KRCC1: variants seen among roughly 807,000 people sequenced by gnomAD.
KRCC1 encodes the protein lysine-rich coiled-coil protein 1.
A neutral mutation model predicts 7.4 loss-of-function variants in KRCC1; 3 were observed. That is an observed-to-expected ratio of 0.40 (90% confidence interval 0.18 to 1.04). The LOEUF is 1.04. Among genes scored for constraint, KRCC1 ranks in the 50% least tolerant of loss-of-function variants. KRCC1 has a pLI of 0.33. For synonymous variants in KRCC1, 102 were observed against 101.6 expected (o/e 1.00, Z -0.02); for missense variants, 277 against 300.9 (o/e 0.92, Z 0.59).
chr2:88,045,687 T>C (rs1573083156), intron 1 of KRCC1, among the ~76,000 whole-genome samples: 1 of 152,008 alleles, frequency 6.6e-6, no homozygotes, highest in African/African-American at 2.4e-5. Context: ...CATTGAATTG[T>C]ACTTTTTTTT....
intron 1 of KRCC1, among the ~76,000 whole-genome samples, chr2:88,046,178 T>A (rs1673329835): frequency 6.6e-6 from 1 of 152,244 alleles, no homozygotes; most frequent in South Asian, 2.1e-4. Flanking sequence ...AACTAGTGAC[T>A]GTAATACTGT....
intron 1 of KRCC1, among the ~76,000 whole-genome samples, chr2:88,049,622 C>T: frequency 6.6e-6 from 1 of 152,174 alleles, no homozygotes; most frequent in East Asian, 1.9e-4. Context: ...GCACTCCAGC[C>T]TGGGCAATCG....
At chr2:88,028,644 CTTTTTT>C (rs35917852) in intron 3 of KRCC1, 59 bp from the exon 4 acceptor site, 20 of 503,378 alleles carry the variant, frequency 4.0e-5, no homozygotes, top group Admixed American at 8.0e-5. Context: ...TTCCTTTGCT[CTTTTTT>C]TTTTTTTTTT....
intron 1 of KRCC1, among the ~76,000 whole-genome samples, chr2:88,053,326 T>A (rs930277181): frequency 6.6e-6 from 1 of 152,238 alleles, no homozygotes; most frequent in Non-Finnish European, 1.5e-5. Flanking sequence ...TTACTGCTAG[T>A]ACTGTGTGAA....
At chr2:88,049,566 T>C (rs996460437) in intron 1 of KRCC1, among the ~76,000 whole-genome samples, 3 of 152,218 alleles carry the variant, frequency 2.0e-5, no homozygotes, top group African/African-American at 7.2e-5. Context: ...GAGAATCACC[T>C]GAGCCTGGGG....
chr2:88,044,190 T>A (rs11127083), intron 1 of KRCC1, among the ~76,000 whole-genome samples: 137,407 of 151,908 alleles, frequency 0.9, 62,517 homozygotes, highest in East Asian at 1. Flanking sequence ...TACATTCTGA[T>A]ATCCATTTCT....
chr2:88,041,657 G>A (rs888278808), intron 1 of KRCC1, among the ~76,000 whole-genome samples: 1 of 152,216 alleles, frequency 6.6e-6, no homozygotes, highest in Non-Finnish European at 1.5e-5. Flanking sequence ...AAGCTCGGTA[G>A]TGAACTCTAG....
chr2:88,032,616 T>C (rs1673016775), intron 3 of KRCC1, among the ~76,000 whole-genome samples: 1 of 152,190 alleles, frequency 6.6e-6, no homozygotes, highest in African/African-American at 2.4e-5. Flanking sequence ...GTTCATATAG[T>C]TTTATTTGTG....
chr2:88,035,862 A>G (rs1673081237), intron 2 of KRCC1, among the ~76,000 whole-genome samples: 1 of 152,192 alleles, frequency 6.6e-6, no homozygotes, highest in South Asian at 2.1e-4. Context: ...AGCCCAAAAT[A>G]TACTAGACTA....
intron 1 of KRCC1, among the ~76,000 whole-genome samples, chr2:88,043,794 C>T (rs141126518): frequency 1.3e-5 from 2 of 152,262 alleles, no homozygotes; most frequent in South Asian, 2.1e-4. Flanking sequence ...CTCAGCCTCC[C>T]GAGTAGCTGG....
At chr2:88,049,915 T>C (rs1362147133) in intron 1 of KRCC1, among the ~76,000 whole-genome samples, 1 of 152,272 alleles carries the variant, frequency 6.6e-6, no homozygotes, top group Non-Finnish European at 1.5e-5. Context: ...ACATGTCATG[T>C]GCAGAGCACA....
rs183744613 is a variant in KRCC1, at chr2:88,030,004, C to T, written c.-22-1419G>A. 1.1e-4 allele frequency among the ~76,000 whole-genome samples: 17 copies of T among 150,906 alleles called. No individual in the cohort carries two copies. In the East Asian group the frequency reaches 2.2e-3, roughly 20 times the overall value. Reference sequence around the variant, plus strand: ...TTAAGACTACAGGTGCACACCACCACGCCTGGCTAATTTTTGTATTTTTAG... The same window carrying T: ...TTAAGACTACAGGTGCACACCACCATGCCTGGCTAATTTTTGTATTTTTAG... On this transcript the variant is annotated intron_variant, in intron 3 of 3. Coordinates refer to ENST00000347055, the MANE Select transcript of KRCC1 (RefSeq NM_016618.3).
At chr2:88,035,154 G>A (rs1210564564) in intron 2 of KRCC1, among the ~76,000 whole-genome samples, 2 of 152,188 alleles carry the variant, frequency 1.3e-5, no homozygotes, top group Non-Finnish European at 2.9e-5. Flanking sequence ...ATCAGCTTCA[G>A]TAGATAATCC....
chr2:88,029,741 T>C (rs1319784251), intron 3 of KRCC1, among the ~76,000 whole-genome samples: 1 of 151,630 alleles, frequency 6.6e-6, no homozygotes, highest in Non-Finnish European at 1.5e-5. Context: ...AGGGCAAGAC[T>C]GTTCCTGATT....
chr2:88,046,965 T>C (rs1055276817), intron 1 of KRCC1, among the ~76,000 whole-genome samples: 3 of 152,186 alleles, frequency 2.0e-5, no homozygotes, highest in Non-Finnish European at 2.9e-5. Flanking sequence ...TGAGCCGCCA[T>C]GCCCAGCCAG....
chr2:88,047,346 T>C (rs2104623534), intron 1 of KRCC1, among the ~76,000 whole-genome samples: 1 of 152,254 alleles, frequency 6.6e-6, no homozygotes, highest in Middle Eastern at 3.4e-3. Flanking sequence ...GCCTCCCAAG[T>C]GCTGGGATTA....
chr2:88,039,602 C>A (rs1673163544), intron 1 of KRCC1, among the ~76,000 whole-genome samples: 1 of 152,112 alleles, frequency 6.6e-6, no homozygotes. Context: ...GTACGAGAAT[C>A]TCTTGAACCC....
At chr2:88,047,690 G>A (rs1268662909) in intron 1 of KRCC1, among the ~76,000 whole-genome samples, 1 of 151,788 alleles carries the variant, frequency 6.6e-6, no homozygotes, top group Non-Finnish European at 1.5e-5. Flanking sequence ...CACCACGCCT[G>A]GCTAATTGTT....
intron 2 of KRCC1, among the ~76,000 whole-genome samples, chr2:88,035,781 T>G (rs565842823): frequency 6.6e-6 from 1 of 152,190 alleles, no homozygotes; most frequent in Non-Finnish European, 1.5e-5. Flanking sequence ...TTTTTAAAAT[T>G]TCAATGAAAC....
Sources: gnomAD v4.1 joint callset for allele counts (sites outside exome capture counted in the v4.1 genomes callset) on GRCh38, gnomAD v4.1.1 for gene constraint, MANE v1.5 for transcripts, NCBI Gene and HGNC (gene_info 2026-07-23, HGNC 2026-07-21) for gene names.